PCDH11X: variants seen among roughly 807,000 people sequenced by gnomAD.
PCDH11X encodes protocadherin-11 X-linked.
In PCDH11X, 18 loss-of-function variants were observed where a neutral mutation model predicts 53.3. That is an observed-to-expected ratio of 0.34 (90% CI 0.23 to 0.50). PCDH11X has a LOEUF of 0.50. Ranked by LOEUF, PCDH11X falls within the 20% of genes least tolerant of loss-of-function variation. The pLI, the probability that PCDH11X is intolerant of heterozygous loss-of-function variation, is 0.98. For missense variants in PCDH11X, 570 were observed against 1,032.4 expected (o/e 0.55, Z 6.14); for synonymous variants, 279 against 393.3 (o/e 0.71, Z 3.44).
At chrX:92,038,053 G>T (rs1408548564) in intron 6 of PCDH11X, among the ~76,000 whole-genome samples, 2 of 110,152 alleles carry the variant, frequency 1.8e-5, no homozygotes, top group African/African-American at 6.6e-5. Context: ...GATGTGACTT[G>T]GGTGCTGTTA....
At chrX:91,853,393 A>G (rs1191404241) in intron 5 of PCDH11X, among the ~76,000 whole-genome samples, 4 of 108,971 alleles carry the variant, frequency 3.7e-5, no homozygotes, top group African/African-American at 1.3e-4. Flanking sequence ...TTAATCAAAT[A>G]TGAATGTTTT....
At chrX:92,499,108 T>G (rs2073911563) in intron 10 of PCDH11X, among the ~76,000 whole-genome samples, 1 of 107,056 alleles carries the variant, frequency 9.3e-6, no homozygotes, top group Admixed American at 1.0e-4. Context: ...CAACTAATAT[T>G]CATTCTAGTT....
Position 92,550,068 on chromosome X carries a change from A to G in PCDH11X, c.3368-68196A>G, listed in dbSNP as rs747818870. ...TCTTCCTATCTAGTTGTAATTTTGT[A>G]TCCTTTAATGAATGTCTCCCTCTCT... On this transcript the variant is annotated intron_variant, in intron 10 of 10. Transcript: ENST00000682573. Among the ~76,000 whole-genome samples, 191 of 110,739 alleles carry G rather than the reference A, an allele frequency of 1.7e-3. 1 individual carries two copies. The highest frequency in any genetic ancestry group is 5.8e-3 in the African/African-American group (177 of 30,601).
chrX:92,323,575 AT>A (rs1027853349), intron 8 of PCDH11X, among the ~76,000 whole-genome samples: 2 of 109,765 alleles, frequency 1.8e-5, no homozygotes, highest in Non-Finnish European at 3.8e-5. Flanking sequence ...ATTTAATTTA[AT>A]TTTTTTATTA....
At chrX:91,843,259 ACTTATGTGTG>A (rs1937553178) in intron 5 of PCDH11X, among the ~76,000 whole-genome samples, 1 of 74,309 alleles carries the variant, frequency 1.3e-5, no homozygotes, top group Non-Finnish European at 2.5e-5. Context: ...ATACATACAT[ACTTATGTGTG>A]TGTGTGTGTG....
chrX:92,107,123 C>A (rs2064401613), intron 6 of PCDH11X, among the ~76,000 whole-genome samples: 1 of 111,243 alleles, frequency 9.0e-6, no homozygotes, highest in Non-Finnish European at 1.9e-5. Context: ...CTGGAAGCCA[C>A]CCCTCAATCC....
chrX:91,823,880 A>T (rs921402539), intron 4 of PCDH11X, among the ~76,000 whole-genome samples: 1 of 109,903 alleles, frequency 9.1e-6, no homozygotes, highest in Non-Finnish European at 1.9e-5. Flanking sequence ...GTGGTGACAA[A>T]ATCTCTCAGC....
At chrX:92,615,634 G>A (rs1927879161) in intron 10 of PCDH11X, among the ~76,000 whole-genome samples, 1 of 110,482 alleles carries the variant, frequency 9.1e-6, no homozygotes, top group African/African-American at 3.3e-5. Context: ...TAAAATACCT[G>A]CATGGCCATA....
At chrX:92,407,302 C>T (rs1214181447) in intron 9 of PCDH11X, among the ~76,000 whole-genome samples, 1 of 111,399 alleles carries the variant, frequency 9.0e-6, no homozygotes, top group Non-Finnish European at 1.9e-5. Flanking sequence ...AAAGAACAAC[C>T]TTGTACATGC....
At chrX:91,974,424 A>T (rs1205110377) in intron 6 of PCDH11X, among the ~76,000 whole-genome samples, 1 of 111,788 alleles carries the variant, frequency 8.9e-6, no homozygotes, top group Non-Finnish European at 1.9e-5. Context: ...GCTCATTGAG[A>T]AGGTAGAATA....
At chrX:92,339,352 T>A (rs1171390873) in intron 8 of PCDH11X, among the ~76,000 whole-genome samples, 2 of 112,365 alleles carry the variant, frequency 1.8e-5, no homozygotes, top group Non-Finnish European at 3.8e-5. Flanking sequence ...TCTTAACATT[T>A]GTCTTGGGAA....
intron 6 of PCDH11X, among the ~76,000 whole-genome samples, chrX:92,160,641 CT>C (rs529782445): frequency 8.9e-4 from 78 of 87,809 alleles, no homozygotes; most frequent in African/African-American, 1.4e-3. Flanking sequence ...ATTTTTTTTT[CT>C]TTTTTTTTTT....
chrX:92,243,656 T>TG (rs1214616718), intron 7 of PCDH11X, among the ~76,000 whole-genome samples: 1 of 111,184 alleles, frequency 9.0e-6, no homozygotes, highest in Non-Finnish European at 1.9e-5. Context: ...GCCTTAGTAG[T>TG]GGGAAAAAAG....
intron 6 of PCDH11X, among the ~76,000 whole-genome samples, chrX:92,183,416 C>T: frequency 9.0e-6 from 1 of 110,692 alleles, no homozygotes; most frequent in African/African-American, 3.3e-5. Flanking sequence ...GCCACCACAC[C>T]TGGCTAATTT....
chrX:92,046,344 G>C (rs1231793971), intron 6 of PCDH11X, among the ~76,000 whole-genome samples: 4 of 111,189 alleles, frequency 3.6e-5, no homozygotes, highest in Non-Finnish European at 7.5e-5. Flanking sequence ...TTTCAAATTG[G>C]TAATAGACTG....
At chrX:92,489,344 G>A (rs890488519) in intron 10 of PCDH11X, among the ~76,000 whole-genome samples, 2 of 110,594 alleles carry the variant, frequency 1.8e-5, no homozygotes, top group Non-Finnish European at 3.8e-5. Context: ...GCTCTGAGCC[G>A]AAATGTTTGC....
At chrX:92,055,627 T>C (rs1028797301) in intron 6 of PCDH11X, among the ~76,000 whole-genome samples, 5 of 110,575 alleles carry the variant, frequency 4.5e-5, no homozygotes, top group African/African-American at 1.3e-4. Flanking sequence ...ACTTATGTCA[T>C]AGGGGTTTGT....
chrX:91,936,587 G>A (rs1032466980), intron 6 of PCDH11X, among the ~76,000 whole-genome samples: 4 of 105,973 alleles, frequency 3.8e-5, no homozygotes, highest in Admixed American at 3.1e-4. Flanking sequence ...TAATATAGTT[G>A]AGAATGGTTC....
chrX:92,025,191 C>A (rs2062951684), intron 6 of PCDH11X, among the ~76,000 whole-genome samples: 4 of 109,972 alleles, frequency 3.6e-5, no homozygotes, highest in Non-Finnish European at 7.6e-5. Context: ...GAACAGGCAA[C>A]CCATTGAATG....
Sources: allele counts gnomAD v4.1 joint callset (sites outside exome capture counted in the v4.1 genomes callset), GRCh38; gene constraint gnomAD v4.1.1; transcripts MANE v1.5; gene names NCBI Gene and HGNC (gene_info 2026-07-23, HGNC 2026-07-21).